RPS6KA2: variants seen among roughly 807,000 people sequenced by gnomAD.
RPS6KA2 encodes the protein ribosomal protein S6 kinase alpha-2.
Under a neutral mutation model 91.8 loss-of-function variants are expected in RPS6KA2, and 42 were observed. The observed-to-expected ratio is 0.46, with a 90% CI of 0.36 to 0.59. The LOEUF is 0.59. Ranked by LOEUF, RPS6KA2 falls within the 20% of genes least tolerant of loss-of-function variation. The probability of loss-of-function intolerance (pLI) is 0.00; values close to 1 mark genes in which losing one functional copy is unlikely to be tolerated. For missense variants in RPS6KA2, 798 were observed against 978.5 expected (o/e 0.82, Z 2.46); for synonymous variants, 414 against 393.6 (o/e 1.05, Z -0.61).
intron 2 of RPS6KA2, among the ~76,000 whole-genome samples, chr6:166,855,254 T>C (rs903707816): frequency 6.6e-6 from 1 of 152,140 alleles, no homozygotes; most frequent in Non-Finnish European, 1.5e-5. Context: ...GTAATGGCTA[T>C]GCTAGAAGTC....
intron 2 of RPS6KA2, among the ~76,000 whole-genome samples, chr6:166,646,749 C>T (rs1787616322): frequency 6.6e-6 from 1 of 152,198 alleles, no homozygotes; most frequent in Admixed American, 6.5e-5. Flanking sequence ...TGACTCCTAC[C>T]AAGCAAACCC....
At chr6:166,801,886 GA>G (rs1174581458) in intron 2 of RPS6KA2, among the ~76,000 whole-genome samples, 1 of 151,988 alleles carries the variant, frequency 6.6e-6, no homozygotes, top group Non-Finnish European at 1.5e-5. Flanking sequence ...AAACAATTGA[GA>G]AGGAAAGTCT....
intron 11 of RPS6KA2, among the ~76,000 whole-genome samples, chr6:166,460,152 C>T (rs901642422): frequency 1.3e-5 from 2 of 152,260 alleles, no homozygotes; most frequent in African/African-American, 4.8e-5. Context: ...GCCCAGGCTC[C>T]TCGACAGGAG....
chr6:166,597,261 G>A (rs1006965008), intron 1 of RPS6KA2, among the ~76,000 whole-genome samples: 2 of 152,226 alleles, frequency 1.3e-5, no homozygotes, highest in South Asian at 2.1e-4. Flanking sequence ...GAGGCACCCC[G>A]TGAGGCCCCA....
At chr6:166,850,434 T>G (rs1421983781) in intron 2 of RPS6KA2, among the ~76,000 whole-genome samples, 1 of 152,158 alleles carries the variant, frequency 6.6e-6, no homozygotes, top group Non-Finnish European at 1.5e-5. Flanking sequence ...TGTAAATCAA[T>G]AATACATCCC....
intron 10 of RPS6KA2, among the ~76,000 whole-genome samples, chr6:166,474,970 C>T (rs777570613): frequency 5.9e-5 from 9 of 152,170 alleles, no homozygotes; most frequent in Non-Finnish European, 1.0e-4. Context: ...GGTGCAGTGC[C>T]GAGGGCGCTG....
intron 1 of RPS6KA2, chr6:166,586,199 T>C (rs1400620486): frequency 2.5e-6 from 4 of 1,586,866 alleles, no homozygotes; most frequent in Non-Finnish European, 3.4e-6. Context: ...CTTGTCTGTG[T>C]TGCGGGTAGT....
At chr6:166,708,982 C>A (rs1789770555) in intron 2 of RPS6KA2, among the ~76,000 whole-genome samples, 1 of 152,216 alleles carries the variant, frequency 6.6e-6, no homozygotes, top group Non-Finnish European at 1.5e-5. Flanking sequence ...TGACACACCG[C>A]TCCGTGTTGA....
chr6:166,605,422 C>T (rs1022967873), intron 1 of RPS6KA2, among the ~76,000 whole-genome samples: 3 of 152,064 alleles, frequency 2.0e-5, no homozygotes, highest in South Asian at 2.1e-4. Flanking sequence ...GAAAGTTCTG[C>T]TTGATGCTTA....
chr6:166,834,824 C>A (rs7770502), intron 2 of RPS6KA2, among the ~76,000 whole-genome samples: 103,216 of 150,594 alleles, frequency 0.69, 35,260 homozygotes, highest in Middle Eastern at 0.76. Context: ...GTTTGTATGG[C>A]GTCCTATTAT....
chr6:166,642,009 A>C (rs551091158), intron 2 of RPS6KA2, among the ~76,000 whole-genome samples: 1 of 152,158 alleles, frequency 6.6e-6, no homozygotes, highest in African/African-American at 2.4e-5. Context: ...AGAATTTTTC[A>C]GAGTAGATAA....
At chr6:166,579,840 C>T (rs1209135414) in intron 1 of RPS6KA2, among the ~76,000 whole-genome samples, 1 of 152,026 alleles carries the variant, frequency 6.6e-6, no homozygotes, top group Admixed American at 6.5e-5. Context: ...TTAAATAGTC[C>T]TCTTTTATGA....
intron 2 of RPS6KA2, among the ~76,000 whole-genome samples, chr6:166,768,924 G>C (rs1380022469): frequency 1.3e-5 from 2 of 152,186 alleles, no homozygotes; most frequent in Admixed American, 6.5e-5. Context: ...GGCTCCGGGG[G>C]TTCTCCCATG....
intron 2 of RPS6KA2, among the ~76,000 whole-genome samples, chr6:166,723,554 C>T (rs1203798339): frequency 1.3e-5 from 2 of 152,218 alleles, no homozygotes; most frequent in East Asian, 3.8e-4. Context: ...GATCTAATAA[C>T]AATACGTAAA....
chr6:166,798,193 G>C (rs1176789830), intron 2 of RPS6KA2, among the ~76,000 whole-genome samples: 1 of 152,186 alleles, frequency 6.6e-6, no homozygotes, highest in African/African-American at 2.4e-5. Context: ...GAATTTGCTG[G>C]TCAAGCTCTT....
chr6:166,498,450 C>T (rs1781875059), intron 8 of RPS6KA2, 58 bp downstream of exon 8: 1 of 1,540,786 alleles, frequency 6.5e-7, no homozygotes, highest in Non-Finnish European at 8.7e-7. Context: ...AACCTGGGGA[C>T]AGGGGTCCAC....
At chr6:166,621,331 G>A (rs1786625404) in intron 1 of RPS6KA2, among the ~76,000 whole-genome samples, 1 of 152,180 alleles carries the variant, frequency 6.6e-6, no homozygotes, top group Admixed American at 6.5e-5. Flanking sequence ...CGGCTTCCTT[G>A]TAGCTGCACC....
intron 13 of RPS6KA2, among the ~76,000 whole-genome samples, chr6:166,450,014 CT>C (rs1779824178): frequency 3.3e-5 from 5 of 149,632 alleles, no homozygotes; most frequent in Non-Finnish European, 3.0e-5. Flanking sequence ...TGGATGTCAC[CT>C]AAGGGACCAC....
At chr6:166,652,941 G>A (rs529965127) in intron 2 of RPS6KA2, among the ~76,000 whole-genome samples, 56 of 152,318 alleles carry the variant, frequency 3.7e-4, no homozygotes, top group African/African-American at 1.3e-3. Context: ...TCATCATGCT[G>A]GGCCCAGCAG....
Sources: gnomAD v4.1 joint callset for allele counts (sites outside exome capture counted in the v4.1 genomes callset) on GRCh38, gnomAD v4.1.1 for gene constraint, MANE v1.5 for transcripts, NCBI Gene and HGNC (gene_info 2026-07-23, HGNC 2026-07-21) for gene names.